The following LZTR1 variants were observed in gnomAD, a reference collection of about 807,000 sequenced individuals.
The protein encoded by LZTR1 is leucine-zipper-like transcriptional regulator 1.
Under a neutral mutation model 105.7 loss-of-function variants are expected in LZTR1, and 260 were observed. The observed-to-expected ratio is 2.46, with a 90% confidence interval of 2.22 to 2.72. LZTR1 has a LOEUF of 2.72. Among genes scored for constraint, LZTR1 ranks in the 30% most tolerant of loss-of-function variants. LZTR1 has a pLI of 0.00. For missense variants in LZTR1, 1,214 were observed against 1,166.9 expected (o/e 1.04, Z -0.59); for synonymous variants, 490 against 476.4 (o/e 1.03, Z -0.37).
Position 20,982,408 on chromosome 22 carries a change from G to T in LZTR1, c.37G>T (p.Ala13Ser). The T allele has an allele frequency of 3.2e-6, 5 of 1,566,692 alleles. No individual in the cohort carries two copies. The highest frequency in any genetic ancestry group is 1.3e-5 in the African/African-American group (1 of 74,102). The part of the protein sequence containing the change: ...GPGSTGGQIG[A>S]AALAGGARSK... ...GGGCAGCACGGGGGGGCAGATCGGG[G>T]CTGCGGCCCTGGCAGGCGGCGCGCG... The change falls in exon 1 of 21, where the codon GCT (alanine) becomes TCT (serine). Residue 13 changes from alanine (A) to serine (S), a missense_variant. Coordinates refer to ENST00000646124, the MANE Select transcript of LZTR1 (RefSeq NM_006767.4).
At chr22:20,988,516 G>T (rs1020109509) in intron 5 of LZTR1, among the ~76,000 whole-genome samples, 6 of 152,182 alleles carry the variant, frequency 3.9e-5, no homozygotes, top group African/African-American at 1.4e-4. Flanking sequence ...GGCGCTTCTG[G>T]GGTCCCGCTT....
chr22:20,987,236 T>C (rs1924419009), intron 3 of LZTR1: 1 of 366,494 alleles, frequency 2.7e-6, no homozygotes. Context: ...TCTACAAAAA[T>C]ACAAAAAATT....
chr22:20,985,802 A>G (rs778772941), intron 2 of LZTR1, 39 bp from the exon 3 acceptor site: 2 of 1,605,108 alleles, frequency 1.2e-6, no homozygotes, highest in Non-Finnish European at 8.5e-7. Context: ...TGCAGAGTAG[A>G]CCTGGCTAAT....
chr22:20,991,418 G>A lies in LZTR1; in HGVS notation c.792-210G>A, dbSNP rs79091874. On this transcript the variant is annotated intron_variant, in intron 8 of 20. Coordinates refer to ENST00000646124, the MANE Select transcript of LZTR1 (RefSeq NM_006767.4). The stretch of plus-strand genomic sequence containing the variant: ...GGGGGGAGCTCTGGCAGGACCCTGC[G>A]GTGGGCCACATGGAGCCAGGCAGGG... 0.011 allele frequency: 6,075 copies of A among 577,474 alleles called. 266 individuals carry two copies. The highest frequency in any genetic ancestry group is 0.1 in the African/African-American group (5,453 of 53,426). The allele number at this position is 577,474 out of a possible 1,614,324, so 35.8% of individuals were successfully genotyped here.
chr22:20,994,684 T>C lies in LZTR1; in HGVS notation c.1742T>C (p.Val581Ala), dbSNP rs1391071569. ...EASVDLQNVL[V>A]VCESAARLQL... Reference sequence around the variant, plus strand: ...TCCGTGGACCTGCAGAACGTGCTGGTTGTGTGCGAGAGTGCCGCCCGGCTG... The same window carrying C: ...TCCGTGGACCTGCAGAACGTGCTGGCTGTGTGCGAGAGTGCCGCCCGGCTG... The change falls in exon 15 of 21, where the codon GTT (valine) becomes GCT (alanine). Residue 581 changes from valine to alanine, a missense_variant. By Grantham distance (64) the Val-to-Ala change is moderately conservative. Coordinates refer to ENST00000646124, the MANE Select transcript of LZTR1 (RefSeq NM_006767.4). 3.1e-6 allele frequency: 5 copies of C among 1,612,804 alleles called. No homozygotes were observed. Among genetic ancestry groups the C allele is most frequent in the Admixed American group, 1.7e-5 (1 of 60,014 alleles).
At chr22:20,994,527 C>A in intron 14 of LZTR1, 31 bp from the exon 15 acceptor site, 1 of 1,599,748 alleles carries the variant, frequency 6.3e-7, no homozygotes. Context: ...CCCTCTCCGG[C>A]TCCCTGAGAT....
chr22:20,997,305 A>C lies in LZTR1; in HGVS notation c.2480A>C (p.His827Pro), dbSNP rs1301431226. ...LLDIIDSLASHISDKQCAELG... is the reference protein window; with the variant it reads ...LLDIIDSLASPISDKQCAELG... ...GACATCATAGACTCCCTGGCCTCCC[A>C]CATCTCAGACAAGCAGTGCGCAGAG... Residue 827 changes from histidine to proline, a missense_variant, in exon 21 of 21, where the codon CAC (histidine) becomes CCC (proline). Transcript: ENST00000646124. 1.2e-6 allele frequency: 2 copies of C among 1,613,710 alleles called. No individual in the cohort carries two copies. Among genetic ancestry groups the C allele is most frequent in the Admixed American group, 1.7e-5 (1 of 60,014 alleles).
At chr22:20,991,473 T>C in intron 8 of LZTR1, 155 bp from the exon 9 acceptor site, 1 of 625,568 alleles carries the variant, frequency 1.6e-6, no homozygotes, top group Non-Finnish European at 2.8e-6. Context: ...GGGTGAGAGG[T>C]GCTCAGCGCA....
rs751251761 is a variant in LZTR1 at position 20,994,172 on chromosome 22, G to A, written c.1518G>A (p.Pro506=). The A allele has an allele frequency of 6.3e-6, 10 of 1,598,664 alleles. No individual in the cohort carries two copies. The highest frequency in any genetic ancestry group is 4.5e-5 in the East Asian group (2 of 44,240). ...GCGTGGCTGCTGGTGGGGCCCGGCC[G>A]CCCCTGCTGCACGTGGCCATCCGGG... ...APGVAAGGAR[P]PLLHVAIREA... is the part of the protein sequence containing the mutation. The change falls in exon 14 of 21, where the codon CCG becomes CCA. Residue 506 remains proline (P), a synonymous_variant. Coordinates refer to ENST00000646124, the MANE Select transcript of LZTR1 (RefSeq NM_006767.4).
In LZTR1 at chr22:20,982,615, T is replaced by G. The variant is rs940602112; in HGVS notation, c.200+44T>G. 11 of 1,586,410 alleles carry G rather than the reference T, an allele frequency of 6.9e-6. No homozygotes were observed. In the African/African-American group the frequency reaches 1.3e-4, roughly 19 times the overall value. On this transcript the variant is annotated intron_variant, in intron 1 of 20. Transcript: ENST00000646124. ...GGTCCTGAGGACAGGAAGGGCGATC[T>G]GCGAGGGTCCCAGGGCGGGTCCAGG... is the stretch of plus-strand genomic sequence containing the variant.
Position 20,993,929 on chromosome 22 carries a change from G to C in LZTR1, c.1359G>C (p.Glu453Asp). Residue 453 changes from glutamate to aspartate, a missense_variant, in exon 13 of 21, where the codon GAG (glutamate) becomes GAC (aspartate). Coordinates refer to ENST00000646124, the MANE Select transcript of LZTR1 (RefSeq NM_006767.4). ...CDVEFVLGEK[E>D]ECVQGHVAIV... ...GTGCATCATTCTTTGTGCAGAAGGA[G>C]GAGTGCGTGCAGGGCCACGTAGCCA... 6.2e-7 allele frequency: 1 copy of C among 1,611,988 alleles called. No individual in the cohort carries two copies. The highest frequency in any genetic ancestry group is 1.1e-5 in the South Asian group (1 of 90,872).
At chr22:20,992,620 C>T (rs1246260947) in intron 10 of LZTR1, 174 bp from the exon 11 acceptor site, 1 of 629,316 alleles carries the variant, frequency 1.6e-6, no homozygotes, top group Non-Finnish European at 2.8e-6. Flanking sequence ...CACTCGCCTA[C>T]ATGGGTACCA....
intron 2 of LZTR1, among the ~76,000 whole-genome samples, chr22:20,984,617 G>GCGC (rs56211814): frequency 2.1e-5 from 3 of 144,612 alleles, no homozygotes; most frequent in Non-Finnish European, 4.5e-5. Context: ...GTAAGGAGGG[G>GCGC]GGGGGGGCGG....
chr22:20,988,240 G>A, intron 5 of LZTR1, 122 bp downstream of exon 5: 1 of 655,124 alleles, frequency 1.5e-6, no homozygotes, highest in Non-Finnish European at 2.7e-6. Flanking sequence ...GGGAGCTTGG[G>A]ATTGGTGGAA....
At chr22:20,993,361 C>T in intron 11 of LZTR1, 1 of 520,168 alleles carries the variant, frequency 1.9e-6, no homozygotes, top group South Asian at 2.3e-5. Flanking sequence ...GACGCAGGTC[C>T]AGGCAGAGTG....
At chr22:20,984,972 C>T (rs1354018446) in intron 2 of LZTR1, among the ~76,000 whole-genome samples, 1 of 151,868 alleles carries the variant, frequency 6.6e-6, no homozygotes, top group Non-Finnish European at 1.5e-5. Flanking sequence ...ACCTGTAATC[C>T]CAGCACTTTG....
chr22:20,989,538 C>T, intron 6 of LZTR1, 87 bp from the exon 7 acceptor site: 2 of 1,078,738 alleles, frequency 1.9e-6, no homozygotes, highest in Non-Finnish European at 1.4e-6. Flanking sequence ...GGGTGGGGCT[C>T]CTCCCTGCAG....
In LZTR1 at chr22:20,987,780, G is replaced by T. The variant is rs951851179; in HGVS notation, c.400+197G>T. 2.6e-5 allele frequency among the ~76,000 whole-genome samples: 4 copies of T among 152,246 alleles called. No individual in the cohort carries two copies. Among genetic ancestry groups the T allele is most frequent in the Non-Finnish European group, 5.9e-5 (4 of 68,046 alleles). ...GCCCTAACGGCCCTGAGCTCACAGG[G>T]TTGGGTGTCTTTCTGTGTTACTGAG... On this transcript the variant is annotated intron_variant, in intron 4 of 20. Coordinates refer to ENST00000646124, the MANE Select transcript of LZTR1 (RefSeq NM_006767.4).
chr22:20,992,399 A>T, intron 10 of LZTR1, 30 bp downstream of exon 10: 1 of 1,597,326 alleles, frequency 6.3e-7, no homozygotes, highest in Non-Finnish European at 8.5e-7. Context: ...TTAAGACTCC[A>T]TCACCCCCTG....
Sources: allele counts gnomAD v4.1 joint callset (sites outside exome capture counted in the v4.1 genomes callset), GRCh38; gene constraint gnomAD v4.1.1; transcripts MANE v1.5; gene names NCBI Gene and HGNC (gene_info 2026-07-23, HGNC 2026-07-21).